Variants in ZFAT observed in about 807,000 individuals in gnomAD.
ZFAT encodes zinc finger protein ZFAT.
In ZFAT, 64 loss-of-function variants were observed where a neutral mutation model predicts 117.7. The observed-to-expected ratio is 0.54, with a 90% CI of 0.44 to 0.67. The LOEUF (loss-of-function observed/expected upper bound fraction) is 0.67. Ranked by LOEUF, ZFAT falls within the 30% of genes least tolerant of loss-of-function variation. The probability of loss-of-function intolerance (pLI) is 0.00; values close to 1 mark genes in which losing one functional copy is unlikely to be tolerated. For synonymous variants in ZFAT, 679 were observed against 615.0 expected, an observed-to-expected ratio of 1.10 and a Z score of -1.54; for missense variants, 1,433 against 1,584.5, an observed-to-expected ratio of 0.90 and a Z score of 1.62.
At chr8:134,526,160 G>A (rs956302) in intron 12 of ZFAT, among the ~76,000 whole-genome samples, 42,547 of 152,048 alleles carry the variant, frequency 0.28, 6,544 homozygotes, top group Admixed American at 0.36. Context: ...GAAATTAAAG[G>A]TTCCTTCTGG....
intron 2 of ZFAT, among the ~76,000 whole-genome samples, chr8:134,653,574 C>A (rs552894882): frequency 1.3e-3 from 199 of 151,922 alleles, no homozygotes; most frequent in Middle Eastern, 6.8e-3. Context: ...CGAAAAAGAA[C>A]AGATCTTCTC....
In ZFAT at chr8:134,619,668, C is replaced by G. The variant is rs16905200; in HGVS notation, c.449-9013G>C. On this transcript the variant is annotated intron_variant, in intron 3 of 15. Coordinates refer to ENST00000377838, the MANE Select transcript of ZFAT (RefSeq NM_020863.4). ...AGTGGGGAAAGACAGGAAGGGCCTC[C>G]AACCTCACACAGTGGGAAAGTCATC... 8.2e-3 allele frequency among the ~76,000 whole-genome samples: 1,247 copies of G among 152,298 alleles called. 18 individuals carry two copies. The highest frequency in any genetic ancestry group is 0.028 in the African/African-American group (1,160 of 41,554).
intron 7 of ZFAT, among the ~76,000 whole-genome samples, chr8:134,595,669 TC>T (rs1320655547): frequency 6.6e-6 from 1 of 152,212 alleles, no homozygotes; most frequent in Non-Finnish European, 1.5e-5. Flanking sequence ...CTTGACTAGG[TC>T]CCCATATTTC....
At chr8:134,666,102 G>C (rs1832202127) in intron 1 of ZFAT, among the ~76,000 whole-genome samples, 1 of 152,170 alleles carries the variant, frequency 6.6e-6, no homozygotes, top group Non-Finnish European at 1.5e-5. Flanking sequence ...TGTCACTGGA[G>C]GCCCCATGGA....
chr8:134,578,638 C>T (rs990256140), intron 10 of ZFAT, among the ~76,000 whole-genome samples: 1 of 152,006 alleles, frequency 6.6e-6, no homozygotes, highest in African/African-American at 2.4e-5. Context: ...TGAGAATGGA[C>T]TTGTGGGGAC....
At chr8:134,557,157 AAT>A (rs1267977689) in intron 11 of ZFAT, among the ~76,000 whole-genome samples, 1 of 152,118 alleles carries the variant, frequency 6.6e-6, no homozygotes, top group East Asian at 1.9e-4. Flanking sequence ...TTGAAACTAG[AAT>A]ATGTTGTAAC....
At chr8:134,651,318 C>T (rs143831910) in intron 2 of ZFAT, among the ~76,000 whole-genome samples, 1,658 of 152,266 alleles carry the variant, frequency 0.011, 30 homozygotes, top group African/African-American at 0.038. Flanking sequence ...CAATATGTAG[C>T]ATATGCATAC....
intron 1 of ZFAT, among the ~76,000 whole-genome samples, chr8:134,704,953 TTTC>T (rs1411346535): frequency 6.7e-6 from 1 of 150,266 alleles, no homozygotes; most frequent in Non-Finnish European, 1.5e-5. Flanking sequence ...TAGGAAAACA[TTTC>T]TTAAGAGAAG....
chr8:134,660,948 C>A (rs1285697166), intron 1 of ZFAT, among the ~76,000 whole-genome samples: 1 of 152,262 alleles, frequency 6.6e-6, no homozygotes, highest in African/African-American at 2.4e-5. Context: ...TTTGCATTAA[C>A]ACATGTGTCT....
At chr8:134,486,408 G>T (rs1817660455) in intron 15 of ZFAT, among the ~76,000 whole-genome samples, 1 of 152,132 alleles carries the variant, frequency 6.6e-6, no homozygotes, top group African/African-American at 2.4e-5. Flanking sequence ...CCACCACCAA[G>T]AGGTCATTTC....
intron 1 of ZFAT, chr8:134,696,436 A>T (rs1833846333): frequency 1.0e-6 from 1 of 985,522 alleles, no homozygotes; most frequent in Non-Finnish European, 1.2e-6. Flanking sequence ...ATTACCTCGT[A>T]AACCTCCACC....
At chr8:134,561,332 G>A (rs914056662) in intron 11 of ZFAT, among the ~76,000 whole-genome samples, 3 of 152,156 alleles carry the variant, frequency 2.0e-5, no homozygotes, top group African/African-American at 7.2e-5. Context: ...GCCTTTCACT[G>A]GTAAAGTACC....
intron 10 of ZFAT, among the ~76,000 whole-genome samples, chr8:134,570,809 A>G (rs940888369): frequency 6.6e-6 from 1 of 152,060 alleles, no homozygotes; most frequent in African/African-American, 2.4e-5. Context: ...TGGACAAGAG[A>G]CTCTAGCTGA....
intron 9 of ZFAT, among the ~76,000 whole-genome samples, chr8:134,587,608 T>C (rs904004327): frequency 1.3e-5 from 2 of 152,188 alleles, no homozygotes; most frequent in South Asian, 4.1e-4. Flanking sequence ...AGGAGGGCCA[T>C]GTCCTTATCC....
chr8:134,484,733 C>T, intron 15 of ZFAT, among the ~76,000 whole-genome samples: 1 of 152,234 alleles, frequency 6.6e-6, no homozygotes, highest in African/African-American at 2.4e-5. Context: ...AGCATGGCAC[C>T]TGGGCAGGGG....
At chr8:134,488,878 G>A (rs913762168) in intron 15 of ZFAT, among the ~76,000 whole-genome samples, 8 of 151,880 alleles carry the variant, frequency 5.3e-5, no homozygotes, top group African/African-American at 1.5e-4. Context: ...GAAAAGCACC[G>A]GGCAGAGCAA....
At chr8:134,589,830 C>T (rs1285758462) in intron 8 of ZFAT, among the ~76,000 whole-genome samples, 2 of 152,224 alleles carry the variant, frequency 1.3e-5, no homozygotes, top group Admixed American at 6.5e-5. Flanking sequence ...GTAGCTGGTG[C>T]CTCATGCACC....
At chr8:134,769,923 T>C in the ZFAT span, among the ~76,000 whole-genome samples, 4 of 152,242 alleles carry the variant, frequency 2.6e-5, no homozygotes, top group Non-Finnish European at 4.4e-5. Context: ...CTGAGCTCTA[T>C]GTTGACCCCT....
chr8:134,765,419 A>G, the ZFAT span: 34 of 152,278 alleles, frequency 2.2e-4, no homozygotes, highest in African/African-American at 7.2e-4. Flanking sequence ...TAATTACACT[A>G]TGGAAATTAG....
Sources: gnomAD v4.1 joint callset for allele counts (sites outside exome capture counted in the v4.1 genomes callset) on GRCh38, gnomAD v4.1.1 for gene constraint, MANE v1.5 for transcripts, NCBI Gene and HGNC (gene_info 2026-07-23, HGNC 2026-07-21) for gene names.